The following EYS variants were observed in gnomAD, a reference collection of about 807,000 sequenced individuals.
EYS encodes EGF-like photoreceptor maintenance factor, also known as protein eyes shut homolog.
A neutral mutation model predicts 282.1 loss-of-function variants in EYS; 250 were observed. The ratio of observed to expected loss-of-function variants is 0.89; its 90% CI spans 0.80 to 0.98. EYS has a LOEUF of 0.98. Among genes scored for constraint, EYS ranks in the 50% least tolerant of loss-of-function variants. The pLI is 0.00. For synonymous variants in EYS, 1,355 were observed against 1,282.9 expected, an observed-to-expected ratio of 1.06 and a Z score of -1.20; for missense variants, 4,016 against 3,709.0, an observed-to-expected ratio of 1.08 and a Z score of -2.15.
intron 41 of EYS, among the ~76,000 whole-genome samples, chr6:63,752,561 C>T (rs867279495): frequency 6.0e-4 from 89 of 147,812 alleles, no homozygotes; most frequent in African/African-American, 2.0e-3. Context: ...GGCGCAATCT[C>T]GGCTCACTGC....
intron 22 of EYS, among the ~76,000 whole-genome samples, chr6:64,654,928 A>G (rs1768693697): frequency 6.6e-6 from 1 of 152,176 alleles, no homozygotes; most frequent in South Asian, 2.1e-4. Context: ...ATCCCGGACC[A>G]CAGGATGTCT....
rs569151760 is a variant in EYS at position 65,164,053 on chromosome 6, T to C, written c.2024-106326A>G. ...GCCCCTCCTGACTCTAGCTTAATCATACATGAGCAGATAACTGAGGAAAAA... is the reference window on the plus strand; with the variant it reads ...GCCCCTCCTGACTCTAGCTTAATCACACATGAGCAGATAACTGAGGAAAAA... On this transcript the variant is annotated intron_variant, in intron 12 of 42. Coordinates refer to ENST00000503581, the MANE Select transcript of EYS (RefSeq NM_001142800.2). 2.4e-4 allele frequency among the ~76,000 whole-genome samples: 36 copies of C among 151,384 alleles called. 1 individual carries two copies. The South Asian group carries it at 2.9e-3, about 12-fold the overall frequency.
At chr6:65,651,558 A>G (rs1209835395) in intron 1 of EYS, among the ~76,000 whole-genome samples, 1 of 152,042 alleles carries the variant, frequency 6.6e-6, no homozygotes, top group East Asian at 1.9e-4. Context: ...TTAAATTTTT[A>G]AAAGCATAAG....
At chr6:65,048,790 T>C (rs1773181124) in intron 13 of EYS, among the ~76,000 whole-genome samples, 1 of 151,824 alleles carries the variant, frequency 6.6e-6, no homozygotes, top group Non-Finnish European at 1.5e-5. Flanking sequence ...CTGAACATCA[T>C]TTTCTTTTTT....
chr6:64,704,509 A>ATATTATAATTATAATACTTATAATT (rs1491172765), intron 22 of EYS, among the ~76,000 whole-genome samples: 172 of 67,516 alleles, frequency 2.5e-3, no homozygotes, highest in Middle Eastern at 9.8e-3. Flanking sequence ...TACTTATAAT[A>ATATTATAATTATAATACTTATAATT]ATATTATAAT....
chr6:65,016,322 CAT>C (rs1378668461), intron 13 of EYS, among the ~76,000 whole-genome samples: 16 of 152,034 alleles, frequency 1.1e-4, no homozygotes, highest in Non-Finnish European at 1.5e-4. Flanking sequence ...TTCATATGTT[CAT>C]ATGTTAAACT....
At chr6:64,193,949 T>C (rs888339298) in intron 31 of EYS, among the ~76,000 whole-genome samples, 4 of 152,188 alleles carry the variant, frequency 2.6e-5, no homozygotes, top group Non-Finnish European at 2.9e-5. Flanking sequence ...TGAATAGTGC[T>C]GCAATAAACA....
chr6:64,354,338 C>G (rs998493050), intron 29 of EYS, among the ~76,000 whole-genome samples: 3 of 151,654 alleles, frequency 2.0e-5, no homozygotes, highest in South Asian at 2.1e-4. Flanking sequence ...CTCCCACAAG[C>G]GCCATCACCA....
chr6:65,181,634 G>A (rs1469542418), intron 12 of EYS, among the ~76,000 whole-genome samples: 1 of 152,180 alleles, frequency 6.6e-6, no homozygotes, highest in Non-Finnish European at 1.5e-5. Context: ...TTCAACCGTT[G>A]TGGAAATCAG....
chr6:64,665,978 T>G, intron 22 of EYS, among the ~76,000 whole-genome samples: 1 of 152,174 alleles, frequency 6.6e-6, no homozygotes, highest in East Asian at 1.9e-4. Flanking sequence ...CTTAGCAAAC[T>G]AATGCAGGAA....
At position 64,914,041 on chromosome 6, in the gene EYS, C is replaced by T. The variant is rs551879182; in HGVS notation, c.2382-1298G>A. ...TCATCCATGAAACGAGGCTAGTCTG[C>T]CGTGAAGAGAAAAATTCTAGCAGAC... On this transcript the variant is annotated intron_variant, in intron 15 of 42. Transcript: ENST00000503581. Among the ~76,000 whole-genome samples, 68 of 152,058 alleles carry T rather than the reference C, an allele frequency of 4.5e-4. 1 individual carries two copies. In the South Asian group the frequency reaches 0.014, roughly 31 times the overall value.
At chr6:63,957,466 G>T (rs1456854569) in intron 35 of EYS, among the ~76,000 whole-genome samples, 7 of 140,654 alleles carry the variant, frequency 5.0e-5, no homozygotes, top group African/African-American at 1.7e-4. Flanking sequence ...ATACATTTTA[G>T]TAGGTAAATT....
intron 26 of EYS, among the ~76,000 whole-genome samples, chr6:64,541,318 A>G (rs1174902925): frequency 6.6e-6 from 1 of 152,178 alleles, no homozygotes; most frequent in Non-Finnish European, 1.5e-5. Flanking sequence ...TTCAAGAAAG[A>G]TATCTGTTTT....
Position 63,726,583 on chromosome 6 carries a change from C to G in EYS, c.8169G>C (p.Gln2723His), listed in dbSNP as rs1768624522. 6.4e-7 allele frequency: 1 copy of G among 1,551,330 alleles called. No homozygotes were observed. Among genetic ancestry groups the G allele is most frequent in the South Asian group, 1.2e-5 (1 of 84,044 alleles). The change falls in exon 42 of 43, where the codon CAG (glutamine) becomes CAC (histidine). Residue 2723 changes from glutamine to histidine, a missense_variant. By Grantham distance (24) the Gln-to-His change is conservative (BLOSUM62 0). Coordinates refer to ENST00000503581, the MANE Select transcript of EYS (RefSeq NM_001142800.2). ...TACCATCTGCAGCGAGAGGCTGAAA[C>G]TGCAATTGAATATGTGTCTTTTTTC... Reference protein sequence around the residue: ...HVRKKTHIQLQFQPLAADGIL... With the variant: ...HVRKKTHIQLHFQPLAADGIL...
Position 65,590,360 on chromosome 6 carries a change from C to T in EYS, c.-333+49418G>A, listed in dbSNP as rs150836807. 1.1e-4 allele frequency among the ~76,000 whole-genome samples: 16 copies of T among 151,940 alleles called. No individual in the cohort carries two copies. In the East Asian group the frequency reaches 2.1e-3, roughly 20 times the overall value. On this transcript the variant is annotated intron_variant, in intron 2 of 42. Coordinates refer to ENST00000503581, the MANE Select transcript of EYS (RefSeq NM_001142800.2). The stretch of plus-strand genomic sequence containing the variant: ...TTTCTTTTTAAATTTTTAACTGACA[C>T]GTAATATTTATACATATTTATGGGA...
At chr6:65,097,257 C>T (rs1326089765) in intron 12 of EYS, among the ~76,000 whole-genome samples, 1 of 150,858 alleles carries the variant, frequency 6.6e-6, no homozygotes, top group Non-Finnish European at 1.5e-5. Flanking sequence ...CTCAACCTCA[C>T]GAATCATCAG....
chr6:64,290,122 G>T (rs1768649740), intron 30 of EYS, among the ~76,000 whole-genome samples: 1 of 152,100 alleles, frequency 6.6e-6, no homozygotes, highest in African/African-American at 2.4e-5. Flanking sequence ...GCACTACGCA[G>T]CCATATAGCA....
intron 31 of EYS, among the ~76,000 whole-genome samples, chr6:64,182,555 G>A (rs899969182): frequency 6.6e-6 from 1 of 151,990 alleles, no homozygotes; most frequent in African/African-American, 2.4e-5. Context: ...TAAACATATC[G>A]TTATTTTGCT....
intron 14 of EYS, among the ~76,000 whole-genome samples, chr6:64,974,739 CT>C (rs1770419516): frequency 6.6e-6 from 1 of 151,828 alleles, no homozygotes; most frequent in Non-Finnish European, 1.5e-5. Flanking sequence ...CTTATTTAGA[CT>C]AGCATCTTGA....
Sources: allele counts gnomAD v4.1 joint callset (sites outside exome capture counted in the v4.1 genomes callset), GRCh38; gene constraint gnomAD v4.1.1; transcripts MANE v1.5; gene names NCBI Gene and HGNC (gene_info 2026-07-23, HGNC 2026-07-21).